The following MAGI2 variants were observed in gnomAD, a reference collection of about 807,000 sequenced individuals.
MAGI2 encodes the protein membrane-associated guanylate kinase, WW and PDZ domain-containing protein 2.
Under a neutral mutation model 133.3 loss-of-function variants are expected in MAGI2, and 35 were observed. The observed-to-expected ratio is 0.26, with a 90% CI of 0.20 to 0.35. The LOEUF (loss-of-function observed/expected upper bound fraction) is 0.35, where lower values mean the gene tolerates loss of function less well. Among genes scored for constraint, MAGI2 ranks in the 10% least tolerant of loss-of-function variants. MAGI2 has a pLI of 1.00. For missense variants in MAGI2, 1,636 were observed against 1,863.4 expected (o/e 0.88, Z 2.25); for synonymous variants, 729 against 710.6 (o/e 1.03, Z -0.41).
chr7:79,453,512 G>T lies in MAGI2; in HGVS notation c.-192C>A, dbSNP rs1445150264. ...GAGGAATGGGGAGGATGAGAGGGAC[G>T]GCTGGGCAGAGGTAGGAGAGCTTGG... On this transcript the variant is annotated 5_prime_UTR_variant, in exon 1 of 22. Coordinates refer to ENST00000354212, the MANE Select transcript of MAGI2 (RefSeq NM_012301.4). 7.2e-7 allele frequency: 1 copy of T among 1,395,498 alleles called. No individual in the cohort carries two copies. Among genetic ancestry groups the T allele is most frequent in the Non-Finnish European group, 9.3e-7 (1 of 1,079,962 alleles). 86.4% of individuals were successfully genotyped at this position (1,395,498 alleles called of 1,614,324 possible). A position where few individuals can be genotyped will look rare whatever the true frequency, so the allele number is the denominator to read the frequency against.
At position 78,272,030 on chromosome 7, in the gene MAGI2, G is replaced by A. The variant is rs1323800993; in HGVS notation, c.1409-15449C>T. On this transcript the variant is annotated intron_variant, in intron 9 of 21. Transcript: ENST00000354212. ...TTGCTTCTCTAGTTCTTTTAATTGC[G>A]ATGTTAGGGTGTCGATTTTAGATCT... 4.6e-5 allele frequency among the ~76,000 whole-genome samples: 7 copies of A among 152,184 alleles called. No homozygotes were observed. In the South Asian group the frequency reaches 1.0e-3, roughly 23 times the overall value.
intron 7 of MAGI2, among the ~76,000 whole-genome samples, chr7:78,362,199 G>A (rs562984878): frequency 1.3e-4 from 20 of 152,232 alleles, no homozygotes; most frequent in African/African-American, 4.1e-4. Flanking sequence ...CTACTCGGGA[G>A]GCTGTGGCAC....
intron 6 of MAGI2, among the ~76,000 whole-genome samples, chr7:78,481,444 A>G (rs1430561769): frequency 6.6e-6 from 1 of 151,948 alleles, no homozygotes; most frequent in Admixed American, 6.6e-5. Flanking sequence ...ACACATGGGA[A>G]TTACAGGTCC....
intron 2 of MAGI2, among the ~76,000 whole-genome samples, chr7:78,988,965 A>C (rs1011524669): frequency 2.0e-5 from 3 of 152,112 alleles, no homozygotes; most frequent in Admixed American, 6.6e-5. Flanking sequence ...ATGTGAAATA[A>C]ATAACAGAAA....
At chr7:78,968,412 C>T (rs1411393462) in intron 2 of MAGI2, among the ~76,000 whole-genome samples, 1 of 149,000 alleles carries the variant, frequency 6.7e-6, no homozygotes, top group Non-Finnish European at 1.5e-5. Flanking sequence ...ATGTCTTCTT[C>T]AATTTTTGTC....
intron 1 of MAGI2, among the ~76,000 whole-genome samples, chr7:79,190,095 C>A (rs962749445): frequency 7.9e-5 from 12 of 151,788 alleles, no homozygotes; most frequent in African/African-American, 2.4e-4. Context: ...AACATTTGTG[C>A]ACAGTTTTTT....
chr7:78,709,456 A>C (rs1019721663), intron 2 of MAGI2, among the ~76,000 whole-genome samples: 2 of 152,162 alleles, frequency 1.3e-5, no homozygotes, highest in Admixed American at 6.5e-5. Context: ...TTTGGTAGGA[A>C]GCTTTCTTAG....
At chr7:79,410,439 C>T (rs752539240) in intron 1 of MAGI2, 19 of 152,194 alleles carry the variant, frequency 1.2e-4, no homozygotes, top group Middle Eastern at 3.4e-3. Flanking sequence ...GATGCTTAAT[C>T]CACACAAATA....
intron 2 of MAGI2, among the ~76,000 whole-genome samples, chr7:78,653,642 G>A (rs1326017359): frequency 6.6e-6 from 1 of 152,006 alleles, no homozygotes; most frequent in Non-Finnish European, 1.5e-5. Flanking sequence ...CAGGGGTTTG[G>A]GGGCTAGGGG....
At chr7:78,433,589 G>A (rs766385943) in intron 6 of MAGI2, among the ~76,000 whole-genome samples, 2 of 152,026 alleles carry the variant, frequency 1.3e-5, no homozygotes, top group Admixed American at 6.6e-5. Flanking sequence ...GCATAAAGTG[G>A]TTTGTCTGAG....
At chr7:78,071,963 G>C (rs1814757292) in intron 21 of MAGI2, among the ~76,000 whole-genome samples, 1 of 152,236 alleles carries the variant, frequency 6.6e-6, no homozygotes, top group Admixed American at 6.5e-5. Flanking sequence ...TGAGGAACAG[G>C]TTAGGGCAGT....
intron 2 of MAGI2, among the ~76,000 whole-genome samples, chr7:78,643,937 T>C (rs563637554): frequency 6.6e-6 from 1 of 152,136 alleles, no homozygotes; most frequent in East Asian, 1.9e-4. Flanking sequence ...ATATGCTGCC[T>C]ACAAAAAACT....
chr7:79,140,559 G>A (rs6466519), intron 1 of MAGI2, among the ~76,000 whole-genome samples: 119,596 of 152,046 alleles, frequency 0.79, 47,796 homozygotes, highest in Non-Finnish European at 0.86. Flanking sequence ...TGGAAAGGAC[G>A]ATGAAAAACA....
chr7:78,953,360 G>A (rs1802025681), intron 2 of MAGI2, among the ~76,000 whole-genome samples: 1 of 152,108 alleles, frequency 6.6e-6, no homozygotes, highest in African/African-American at 2.4e-5. Context: ...ATTTCAAGGT[G>A]TAAATCAAGT....
intron 2 of MAGI2, among the ~76,000 whole-genome samples, chr7:78,737,731 CAT>C (rs1260222967): frequency 4.6e-5 from 7 of 152,016 alleles, no homozygotes; most frequent in Non-Finnish European, 1.0e-4. Context: ...AGTTATGTCT[CAT>C]AAAAATTGTT....
intron 1 of MAGI2, among the ~76,000 whole-genome samples, chr7:79,228,386 T>C (rs547055583): frequency 1.9e-5 from 1 of 51,832 alleles, no homozygotes; most frequent in African/African-American, 4.7e-5. Context: ...TGGGATTGTC[T>C]TGTCTTGAAA....
At chr7:78,384,910 T>G (rs1795242048) in intron 6 of MAGI2, among the ~76,000 whole-genome samples, 1 of 152,158 alleles carries the variant, frequency 6.6e-6, no homozygotes, top group Non-Finnish European at 1.5e-5. Flanking sequence ...GCAGATAAGA[T>G]TAGCAAAGTC....
chr7:78,249,487 A>G (rs1792153763), intron 10 of MAGI2, among the ~76,000 whole-genome samples: 1 of 152,074 alleles, frequency 6.6e-6, no homozygotes, highest in Admixed American at 6.6e-5. Context: ...GAATGGTTAA[A>G]GAAAATGTGG....
chr7:78,695,716 G>GT (rs1259234576), intron 2 of MAGI2, among the ~76,000 whole-genome samples: 5 of 152,184 alleles, frequency 3.3e-5, no homozygotes, highest in African/African-American at 1.2e-4. Flanking sequence ...GGAGGATTTA[G>GT]TGGGGGGAAA....
Sources: allele counts gnomAD v4.1 joint callset (sites outside exome capture counted in the v4.1 genomes callset), GRCh38; gene constraint gnomAD v4.1.1; transcripts MANE v1.5; gene names NCBI Gene and HGNC (gene_info 2026-07-23, HGNC 2026-07-21).